The following CHODL variants were observed in gnomAD, a reference collection of about 807,000 sequenced individuals.
CHODL encodes chondrolectin.
In CHODL, 29 loss-of-function variants were observed where a neutral mutation model predicts 34.5. The observed-to-expected ratio is 0.84, with a 90% confidence interval of 0.63 to 1.15. The LOEUF (loss-of-function observed/expected upper bound fraction) is 1.15. CHODL is among the 50% of genes most tolerant of loss of function. The pLI is 0.00. For synonymous variants in CHODL, 125 were observed against 116.1 expected, an observed-to-expected ratio of 1.08 and a Z score of -0.49; for missense variants, 332 against 332.5, an observed-to-expected ratio of 1.00 and a Z score of 0.01.
intron 2 of CHODL, among the ~76,000 whole-genome samples, chr21:18,044,242 A>G (rs1211254263): frequency 6.6e-6 from 1 of 152,024 alleles, no homozygotes; most frequent in Non-Finnish European, 1.5e-5. Flanking sequence ...ATGAGCTACA[A>G]AATGTGAATT....
Position 18,138,879 on chromosome 21 carries a change from A to C in CHODL, c.-45+110908A>C, listed in dbSNP as rs185500750. 2.1e-3 allele frequency among the ~76,000 whole-genome samples: 313 copies of C among 152,232 alleles called. 2 individuals are homozygous for C. Among genetic ancestry groups the C allele is most frequent in the African/African-American group, 7.2e-3 (300 of 41,544 alleles). ...CTCAGCCAAGACTTAGGAATATATCAAATAGGAGCTGATGTTTCATTTCTT... is the reference window on the plus strand; with the variant it reads ...CTCAGCCAAGACTTAGGAATATATCCAATAGGAGCTGATGTTTCATTTCTT... On this transcript the variant is annotated intron_variant, in intron 2 of 6. Coordinates refer to the CHODL transcript ENST00000400127.
chr21:18,215,324 T>C (rs2073814746), intron 2 of CHODL, among the ~76,000 whole-genome samples: 1 of 152,156 alleles, frequency 6.6e-6, no homozygotes, highest in Non-Finnish European at 1.5e-5. Flanking sequence ...CCTCAGGAGA[T>C]AGGCAATTGA....
chr21:18,147,913 C>T (rs1034014158), intron 2 of CHODL, among the ~76,000 whole-genome samples: 4 of 152,156 alleles, frequency 2.6e-5, no homozygotes, highest in African/African-American at 9.7e-5. Context: ...ACCAGTCACG[C>T]CAAGGGTCAC....
intron 2 of CHODL, among the ~76,000 whole-genome samples, chr21:18,221,419 T>A (rs2073882657): frequency 6.6e-6 from 1 of 152,208 alleles, no homozygotes; most frequent in Admixed American, 6.5e-5. Flanking sequence ...TGAAAAACTA[T>A]TGTGTTCTCT....
intron 1 of CHODL, among the ~76,000 whole-genome samples, chr21:17,985,498 C>T (rs541609767): frequency 6.6e-6 from 1 of 152,294 alleles, no homozygotes; most frequent in South Asian, 2.1e-4. Flanking sequence ...GACATTTATA[C>T]AGCAAGAGAG....
chr21:18,091,680 G>A (rs1044130802), intron 2 of CHODL, among the ~76,000 whole-genome samples: 1 of 152,114 alleles, frequency 6.6e-6, no homozygotes, highest in Non-Finnish European at 1.5e-5. Context: ...TAGACTCGTG[G>A]ACAACATTTC....
chr21:18,222,660 G>T (rs945248867), intron 2 of CHODL, among the ~76,000 whole-genome samples: 1 of 152,136 alleles, frequency 6.6e-6, no homozygotes, highest in Non-Finnish European at 1.5e-5. Context: ...CAGCTGCCTT[G>T]CTTCCCTCAC....
At chr21:18,023,401 G>T (rs995269560) in intron 1 of CHODL, among the ~76,000 whole-genome samples, 6 of 152,100 alleles carry the variant, frequency 3.9e-5, no homozygotes, top group Admixed American at 3.9e-4. Flanking sequence ...TACAGGATGA[G>T]GCCACCCTGC....
chr21:18,267,243 T>TTCTG lies in CHODL; in HGVS notation c.*1209_*1212dup, dbSNP rs1354322685. On this transcript the variant is annotated 3_prime_UTR_variant, in exon 6 of 6. Coordinates refer to ENST00000299295, the MANE Select transcript of CHODL (RefSeq NM_024944.3). ...CTTGAGATAGAAAATGGTGGCTCCT[T>TTCTG]TCTGTCTTATCTCCTAGTTTCTTCA... 6.6e-6 allele frequency: 1 copy of TTCTG among 152,200 alleles called. No individual in the cohort carries two copies. Among genetic ancestry groups the TTCTG allele is most frequent in the Non-Finnish European group, 1.5e-5 (1 of 68,046 alleles). The allele number at this position is 152,200 out of a possible 1,614,324, so 9.4% of individuals were successfully genotyped here. A position where few individuals can be genotyped will look rare whatever the true frequency, so the allele number is the denominator to read the frequency against.
At chr21:18,117,716 T>A (rs998637731) in intron 2 of CHODL, among the ~76,000 whole-genome samples, 1 of 139,506 alleles carries the variant, frequency 7.2e-6, no homozygotes, top group Admixed American at 7.9e-5. Context: ...ATAAAATAAA[T>A]AAATAAATAA....
chr21:18,069,731 AT>A (rs1057236807), intron 2 of CHODL, among the ~76,000 whole-genome samples: 13 of 152,092 alleles, frequency 8.5e-5, no homozygotes, highest in Admixed American at 6.5e-5. Flanking sequence ...GACTACTAAA[AT>A]TTACAACTAC....
intron 2 of CHODL, among the ~76,000 whole-genome samples, chr21:18,090,321 G>A (rs991498947): frequency 6.6e-6 from 1 of 152,148 alleles, no homozygotes; most frequent in Non-Finnish European, 1.5e-5. Context: ...GGAGACCCTG[G>A]TTCTGTGCCA....
chr21:18,060,502 A>G (rs565961584), intron 2 of CHODL, among the ~76,000 whole-genome samples: 46 of 151,814 alleles, frequency 3.0e-4, no homozygotes, highest in African/African-American at 1.1e-3. Flanking sequence ...AAATACCTTA[A>G]TCTAGAGGTA....
At chr21:17,968,599 A>C (rs2146359971) in intron 1 of CHODL, among the ~76,000 whole-genome samples, 2 of 152,288 alleles carry the variant, frequency 1.3e-5, no homozygotes, top group South Asian at 4.1e-4. Flanking sequence ...GAAAGTACAA[A>C]CCTGATGAAG....
chr21:18,109,944 A>G (rs1166105113), intron 2 of CHODL, among the ~76,000 whole-genome samples: 1 of 152,206 alleles, frequency 6.6e-6, no homozygotes, highest in Non-Finnish European at 1.5e-5. Context: ...CAGGTACAAT[A>G]TAAAAGGAGA....
intron 2 of CHODL, among the ~76,000 whole-genome samples, chr21:18,198,626 G>T (rs1284701308): frequency 6.6e-6 from 1 of 152,050 alleles, no homozygotes; most frequent in Non-Finnish European, 1.5e-5. Context: ...GATTTCTGGT[G>T]GTGTTTTGTG....
intron 2 of CHODL, among the ~76,000 whole-genome samples, chr21:18,202,585 T>C (rs1358430405): frequency 6.6e-6 from 1 of 152,224 alleles, no homozygotes; most frequent in East Asian, 1.9e-4. Context: ...CCTTTTGTCG[T>C]GGGCTCCTAG....
chr21:17,996,590 C>G (rs554953598), intron 1 of CHODL, among the ~76,000 whole-genome samples: 33 of 152,282 alleles, frequency 2.2e-4, no homozygotes, highest in Non-Finnish European at 4.4e-4. Context: ...CAAATGGACT[C>G]TCCGGAAAAT....
chr21:18,216,321 C>T (rs1003893321), intron 2 of CHODL, among the ~76,000 whole-genome samples: 4 of 152,036 alleles, frequency 2.6e-5, no homozygotes, highest in Admixed American at 1.3e-4. Context: ...TTAAAATAGA[C>T]GATAAATTTT....
Sources: allele counts gnomAD v4.1 joint callset (sites outside exome capture counted in the v4.1 genomes callset), GRCh38; gene constraint gnomAD v4.1.1; transcripts MANE v1.5; gene names NCBI Gene and HGNC (gene_info 2026-07-23, HGNC 2026-07-21).